The following DNAH5 variants were observed in gnomAD, a reference collection of about 807,000 sequenced individuals.
DNAH5 encodes axonemal beta dynein heavy chain 5.
A neutral mutation model predicts 518.2 loss-of-function variants in DNAH5; 372 were observed. The observed-to-expected ratio is 0.72, with a 90% CI of 0.66 to 0.78. DNAH5 has a LOEUF of 0.78. DNAH5 is among the 30% of genes least tolerant of loss of function. The pLI is 0.00. For missense variants in DNAH5, 5,523 were observed against 5,687.0 expected, an observed-to-expected ratio of 0.97 and a Z score of 0.93; for synonymous variants, 2,039 against 2,025.9, an observed-to-expected ratio of 1.01 and a Z score of -0.17.
chr5:13,771,616 A>T (rs911314116), intron 55 of DNAH5, among the ~76,000 whole-genome samples: 1 of 152,164 alleles, frequency 6.6e-6, no homozygotes, highest in Non-Finnish European at 1.5e-5. Flanking sequence ...CTTCCCTGCT[A>T]TGGGAATAGG....
At chr5:14,002,849 A>G (rs1784456740) in intron 1 of DNAH5, among the ~76,000 whole-genome samples, 1 of 151,686 alleles carries the variant, frequency 6.6e-6, no homozygotes, top group Admixed American at 6.6e-5. Flanking sequence ...ATATATATTT[A>G]TGTTTGTTCA....
At chr5:13,973,200 G>A (rs1782002211) in intron 1 of DNAH5, among the ~76,000 whole-genome samples, 1 of 152,140 alleles carries the variant, frequency 6.6e-6, no homozygotes. Flanking sequence ...GGGAGGCCAG[G>A]AGCCAAGGAA....
Position 13,751,096 on chromosome 5 carries a change from G to A in DNAH5, c.11193C>T (p.Val3731=). The A allele has an allele frequency of 6.2e-7, 1 of 1,613,906 alleles. No individual in the cohort carries two copies. Among genetic ancestry groups the A allele is most frequent in the South Asian group, 1.1e-5 (1 of 91,068 alleles). ...CACTCACCTGCTTCTCTGTGAGAATGACCCTCCCCAGTAACTGATCTTCTA... is the reference window on the plus strand; with the variant it reads ...CACTCACCTGCTTCTCTGTGAGAATAACCCTCCCCAGTAACTGATCTTCTA... ...KGLEDQLLGR[V]ILTEKQELEK... Residue 3731 remains valine, a synonymous_variant, in exon 65 of 79, where the codon GTC becomes GTT. Coordinates refer to ENST00000265104, the MANE Select transcript of DNAH5 (RefSeq NM_001369.3).
chr5:13,993,934 CA>C (rs1314292721), intron 1 of DNAH5, among the ~76,000 whole-genome samples: 3 of 152,182 alleles, frequency 2.0e-5, no homozygotes, highest in Admixed American at 2.0e-4. Context: ...ACCCATTGCT[CA>C]AATTCCACGA....
intron 65 of DNAH5, among the ~76,000 whole-genome samples, chr5:13,740,554 T>C (rs945024694): frequency 2.6e-5 from 4 of 152,232 alleles, no homozygotes; most frequent in African/African-American, 7.2e-5. Context: ...TAGGATCACC[T>C]GGAAGGCTTG....
At chr5:13,946,160 C>T (rs765474990), upstream of DNAH5, among the ~76,000 whole-genome samples, 1 of 152,182 alleles carries the variant, frequency 6.6e-6, no homozygotes, top group Admixed American at 6.5e-5. Context: ...TCATTAGTTA[C>T]ATTTGAATCG....
intron 3 of DNAH5, 98 bp from the exon 4 acceptor site, chr5:13,923,538 G>T: frequency 2.2e-6 from 3 of 1,379,090 alleles, no homozygotes; most frequent in East Asian, 2.4e-5. Flanking sequence ...TGCCATTGTT[G>T]ACTTGTCCAT....
At chr5:13,702,449 G>A (rs1020103576) in intron 76 of DNAH5, among the ~76,000 whole-genome samples, 4 of 152,138 alleles carry the variant, frequency 2.6e-5, no homozygotes, top group Admixed American at 6.5e-5. Flanking sequence ...TTTATACTAC[G>A]TTCGGTCTGA....
intron 7 of DNAH5, among the ~76,000 whole-genome samples, chr5:13,917,463 G>T (rs988678749): frequency 2.0e-5 from 3 of 152,138 alleles, no homozygotes; most frequent in African/African-American, 7.2e-5. Context: ...ATCTTCCAGG[G>T]CTTCTCATAT....
intron 26 of DNAH5, 116 bp from the exon 27 acceptor site, chr5:13,866,022 T>C (rs1302109712): frequency 1.1e-6 from 1 of 882,606 alleles, no homozygotes; most frequent in South Asian, 1.5e-5. Context: ...TGGGCACATG[T>C]AAATAGGAAT....
intron 1 of DNAH5, among the ~76,000 whole-genome samples, chr5:13,962,557 G>C (rs1177933728): frequency 6.6e-6 from 1 of 152,188 alleles, no homozygotes; most frequent in Non-Finnish European, 1.5e-5. Context: ...ACTGCAGTTA[G>C]AGAAGACAGA....
At chr5:13,868,052 C>G in intron 24 of DNAH5, 60 bp from the exon 25 acceptor site, 1 of 1,196,672 alleles carries the variant, frequency 8.4e-7, no homozygotes, top group African/African-American at 1.5e-5. Flanking sequence ...CTACACACAG[C>G]CATTTATTAA....
chr5:13,782,016 T>C (rs937270612), intron 52 of DNAH5, among the ~76,000 whole-genome samples: 1 of 152,148 alleles, frequency 6.6e-6, no homozygotes, highest in Non-Finnish European at 1.5e-5. Context: ...ATGGACTAGT[T>C]ACACCATCAG....
chr5:13,823,241 G>A (rs192959704), intron 40 of DNAH5, 22 bp downstream of exon 40: 41 of 1,458,112 alleles, frequency 2.8e-5, no homozygotes, highest in Middle Eastern at 1.7e-4. Flanking sequence ...ACCAGCCCTC[G>A]TTGCCCTGTG....
chr5:13,768,782 A>G (rs1486422563), intron 58 of DNAH5, among the ~76,000 whole-genome samples, 178 bp downstream of exon 58: 2 of 152,236 alleles, frequency 1.3e-5, no homozygotes, highest in Non-Finnish European at 2.9e-5. Context: ...TAAGCAGAAC[A>G]GGCAAAACCT....
Position 13,923,301 on chromosome 5 carries a change from G to C in DNAH5, c.417C>G (p.Ile139Met). ...TTACCTGGTGGATGTTGTCAGGGGT[G>C]ATGGCTTTGGAAGGGTCAGTCCTGA... ...FFIRTDPSKA[I>M]TPDNIHQEVS... The change falls in exon 4 of 79, where the codon ATC becomes ATG. Residue 139 changes from isoleucine to methionine, a missense_variant. This residue lies in a region of DNAH5 where 5,121 missense variants were observed against 5,223.3 expected (regional missense o/e 0.98). Coordinates refer to ENST00000265104, the MANE Select transcript of DNAH5 (RefSeq NM_001369.3). 6.2e-7 allele frequency: 1 copy of C among 1,614,144 alleles called. No homozygotes were observed. Among genetic ancestry groups the C allele is most frequent in the Non-Finnish European group, 8.5e-7 (1 of 1,180,002 alleles).
Position 13,885,824 on chromosome 5 carries a change from A to C in DNAH5, c.2743+140T>G, listed in dbSNP as rs180885077. 6.9e-5 allele frequency: 57 copies of C among 831,336 alleles called. No homozygotes were observed. In the East Asian group the frequency reaches 1.3e-3, roughly 19 times the overall value. 51.5% of individuals were successfully genotyped at this position (831,336 alleles called of 1,614,324 possible). On this transcript the variant is annotated intron_variant, in intron 18 of 78. Coordinates refer to ENST00000265104, the MANE Select transcript of DNAH5 (RefSeq NM_001369.3). ...TCACTAAAATATGCTCAGGGCCATA[A>C]TTTCAGATTTATACATATCATTAGA...
chr5:13,802,646 G>C (rs1036204796), intron 47 of DNAH5, among the ~76,000 whole-genome samples: 2 of 152,162 alleles, frequency 1.3e-5, no homozygotes, highest in African/African-American at 4.8e-5. Flanking sequence ...CATTGGAAGG[G>C]GTATTGGAAG....
At chr5:13,955,297 C>T (rs1429035734) in intron 1 of DNAH5, among the ~76,000 whole-genome samples, 1 of 152,160 alleles carries the variant, frequency 6.6e-6, no homozygotes, top group Non-Finnish European at 1.5e-5. Flanking sequence ...GAGGCCTCCC[C>T]AACCGTGCTT....
Sources: allele counts gnomAD v4.1 joint callset (sites outside exome capture counted in the v4.1 genomes callset), GRCh38; gene constraint gnomAD v4.1.1; regional missense constraint gnomAD v4.1.1; transcripts MANE v1.5; gene names NCBI Gene and HGNC (gene_info 2026-07-23, HGNC 2026-07-21).